GNG7: variants seen among roughly 807,000 people sequenced by gnomAD.
GNG7 encodes guanine nucleotide-binding protein G(I)/G(S)/G(O) subunit gamma-7.
Under a neutral mutation model 4.0 loss-of-function variants are expected in GNG7, and 1 was observed. The observed-to-expected ratio is 0.25, with a 90% CI of 0.09 to 1.18. The LOEUF is 1.18. Among genes scored for constraint, GNG7 ranks in the 50% most tolerant of loss-of-function variants. GNG7 has a pLI of 0.50. For synonymous variants in GNG7, 34 were observed against 36.9 expected, an observed-to-expected ratio of 0.92 and a Z score of 0.29; for missense variants, 86 against 91.9, an observed-to-expected ratio of 0.94 and a Z score of 0.26.
intron 2 of GNG7, among the ~76,000 whole-genome samples, chr19:2,592,129 C>G (rs1269194155): frequency 1.3e-5 from 2 of 152,182 alleles, no homozygotes; most frequent in African/African-American, 4.8e-5. Context: ...GTGATGTATA[C>G]CATGATGTTT....
chr19:2,573,286 G>T (rs1980206884), intron 2 of GNG7, among the ~76,000 whole-genome samples: 1 of 151,686 alleles, frequency 6.6e-6, no homozygotes. Flanking sequence ...GCCTCCCAAA[G>T]TGCTGGGATT....
intron 2 of GNG7, among the ~76,000 whole-genome samples, chr19:2,627,201 C>T (rs960671928): frequency 6.6e-5 from 10 of 151,772 alleles, no homozygotes; most frequent in East Asian, 2.0e-4. Flanking sequence ...TCCCAGGGGA[C>T]GCTGGGTGAT....
chr19:2,586,984 C>CAAAAAA (rs756891397), intron 2 of GNG7, among the ~76,000 whole-genome samples: 9 of 48,722 alleles, frequency 1.8e-4, no homozygotes, highest in East Asian at 5.6e-4. Context: ...GACTCCATCT[C>CAAAAAA]AAAAAAAAAA....
intron 2 of GNG7, among the ~76,000 whole-genome samples, chr19:2,615,466 T>G (rs866160486): frequency 1.2e-3 from 150 of 120,656 alleles, no homozygotes; most frequent in South Asian, 3.9e-3. Flanking sequence ...TTTTTTTTTT[T>G]TTTTTTTTTT....
chr19:2,686,582 C>T (rs952006662), intron 1 of GNG7, among the ~76,000 whole-genome samples: 4 of 152,098 alleles, frequency 2.6e-5, no homozygotes, highest in Admixed American at 2.0e-4. Flanking sequence ...CATTCGGGAC[C>T]GGCAGGACGC....
At chr19:2,585,554 A>G (rs1221695403) in intron 2 of GNG7, among the ~76,000 whole-genome samples, 1 of 152,214 alleles carries the variant, frequency 6.6e-6, no homozygotes, top group Non-Finnish European at 1.5e-5. Context: ...AAGTATATTG[A>G]AAACAGCCAG....
At chr19:2,551,584 A>C in intron 3 of GNG7, among the ~76,000 whole-genome samples, 1 of 147,932 alleles carries the variant, frequency 6.8e-6, no homozygotes, top group African/African-American at 2.4e-5. Context: ...ATAATATATA[A>C]ATATGCATTT....
At chr19:2,677,089 G>A (rs566200097) in intron 1 of GNG7, among the ~76,000 whole-genome samples, 3 of 152,208 alleles carry the variant, frequency 2.0e-5, no homozygotes, top group South Asian at 2.1e-4. Flanking sequence ...AAAAACGGCC[G>A]CTTAATTACA....
At chr19:2,575,845 G>A (rs1490510963) in intron 2 of GNG7, among the ~76,000 whole-genome samples, 3 of 111,446 alleles carry the variant, frequency 2.7e-5, no homozygotes, top group Non-Finnish European at 5.7e-5. Context: ...GCAGGCACAC[G>A]CAGACACGCA....
intron 3 of GNG7, among the ~76,000 whole-genome samples, chr19:2,553,170 G>T (rs909672106): frequency 5.4e-5 from 8 of 147,088 alleles, no homozygotes; most frequent in African/African-American, 2.0e-4. Flanking sequence ...ATAACTACAC[G>T]CAGAAACGAA....
intron 1 of GNG7, among the ~76,000 whole-genome samples, chr19:2,688,657 C>G (rs1249587350): frequency 1.3e-5 from 2 of 152,126 alleles, no homozygotes; most frequent in Admixed American, 1.3e-4. Context: ...CCTGGAAGAA[C>G]CCCCGGAGAC....
intron 2 of GNG7, among the ~76,000 whole-genome samples, chr19:2,556,433 C>T (rs1979546544): frequency 6.6e-6 from 1 of 152,112 alleles, no homozygotes; most frequent in South Asian, 2.1e-4. Context: ...CTGAAGGGCC[C>T]CTGTGGTCTC....
At chr19:2,536,366 C>T (rs10422726) in intron 3 of GNG7, among the ~76,000 whole-genome samples, 6,619 of 150,690 alleles carry the variant, frequency 0.044, 449 homozygotes, top group African/African-American at 0.15. Flanking sequence ...TGCAGTGAGC[C>T]GAGATTGCAC....
intron 2 of GNG7, among the ~76,000 whole-genome samples, chr19:2,572,109 C>A (rs1204038775): frequency 6.6e-6 from 1 of 151,962 alleles, no homozygotes; most frequent in Non-Finnish European, 1.5e-5. Flanking sequence ...GCAGCCTCCA[C>A]CTCCCGAGCT....
intron 1 of GNG7, among the ~76,000 whole-genome samples, chr19:2,659,610 A>AAAAAAAAAGAG (rs5826778): frequency 5.8e-5 from 7 of 121,468 alleles, no homozygotes; most frequent in African/African-American, 2.0e-4. Flanking sequence ...AAAAAAAAAA[A>AAAAAAAAAGAG]AGAGAGGAGG....
chr19:2,662,779 C>T (rs1357013168), intron 1 of GNG7, among the ~76,000 whole-genome samples: 5 of 152,078 alleles, frequency 3.3e-5, no homozygotes, highest in African/African-American at 7.2e-5. Flanking sequence ...TGGTCATCAC[C>T]TCAACCTTCA....
chr19:2,574,309 G>A (rs1280177687), intron 2 of GNG7, among the ~76,000 whole-genome samples: 2 of 152,016 alleles, frequency 1.3e-5, no homozygotes, highest in African/African-American at 2.4e-5. Context: ...ATGTTGTGCC[G>A]CCATCACCAC....
chr19:2,626,869 A>C lies in GNG7; in HGVS notation c.-78+19355T>G, dbSNP rs556937661. 3.5e-4 allele frequency among the ~76,000 whole-genome samples: 53 copies of C among 152,080 alleles called. No individual in the cohort carries two copies. Among genetic ancestry groups the C allele is most frequent in the Non-Finnish European group, 5.1e-4 (35 of 67,966 alleles). ...TGCTGCTCAGCACCCTGCAGTGCCC[A>C]GGACGGCCTCACCCCAGAGAACAGT... On this transcript the variant is annotated intron_variant, in intron 2 of 4. Transcript: ENST00000382159. This position sits in a 1 kb window ranked among gnomAD's most constrained non-coding sequence, Gnocchi z 5.0.
At chr19:2,696,350 A>G (rs952357964) in intron 1 of GNG7, among the ~76,000 whole-genome samples, 2 of 143,944 alleles carry the variant, frequency 1.4e-5, no homozygotes, top group East Asian at 4.0e-4. Flanking sequence ...AAGAAAGAAA[A>G]GAAAGAAAAG....
Sources: allele counts gnomAD v4.1 joint callset (sites outside exome capture counted in the v4.1 genomes callset), GRCh38; gene constraint gnomAD v4.1.1; non-coding constraint Gnocchi (gnomAD v3.1); transcripts MANE v1.5; gene names NCBI Gene and HGNC (gene_info 2026-07-23, HGNC 2026-07-21).